The following DDX10 variants were observed in gnomAD, a reference collection of about 807,000 sequenced individuals.
DDX10 encodes the protein probable ATP-dependent RNA helicase DDX10.
DDX10 carries 74 observed loss-of-function variants against 104.3 expected under a neutral mutation model. That is an observed-to-expected ratio of 0.71 (90% CI 0.59 to 0.86). DDX10 has a LOEUF of 0.86. Ranked by LOEUF, DDX10 falls within the 40% of genes least tolerant of loss-of-function variation. DDX10 has a pLI of 0.00. For missense variants in DDX10, 952 were observed against 1,040.0 expected (o/e 0.92, Z 1.16); for synonymous variants, 351 against 353.4 (o/e 0.99, Z 0.08).
intron 13 of DDX10, among the ~76,000 whole-genome samples, chr11:108,804,994 C>T (rs1052183168): frequency 6.6e-6 from 1 of 152,050 alleles, no homozygotes; most frequent in Non-Finnish European, 1.5e-5. Flanking sequence ...TAAGTGCTGC[C>T]CACACTGAGG....
chr11:108,844,143 A>T (rs1041555499), intron 15 of DDX10, among the ~76,000 whole-genome samples: 2 of 152,174 alleles, frequency 1.3e-5, no homozygotes, highest in African/African-American at 4.8e-5. Flanking sequence ...TACTTCTGTG[A>T]CTACAAGAGT....
At chr11:108,714,176 A>C (rs1296699028) in intron 10 of DDX10, among the ~76,000 whole-genome samples, 2 of 152,210 alleles carry the variant, frequency 1.3e-5, no homozygotes, top group Non-Finnish European at 2.9e-5. Flanking sequence ...AAAACTCATG[A>C]GTGTGGGGCT....
chr11:108,900,248 C>G (rs1333526856), intron 16 of DDX10, among the ~76,000 whole-genome samples: 1 of 152,158 alleles, frequency 6.6e-6, no homozygotes, highest in Non-Finnish European at 1.5e-5. Flanking sequence ...TCTTGTATAG[C>G]CTGCAGAATT....
At chr11:108,931,858 T>C (rs61912814) in intron 17 of DDX10, among the ~76,000 whole-genome samples, 1,846 of 152,240 alleles carry the variant, frequency 0.012, 30 homozygotes, top group Admixed American at 0.022. Context: ...CTATGCCTTG[T>C]GGAAGCCTAA....
rs776311119 is a variant in DDX10 at position 108,693,603 on chromosome 11, A to G, written c.1223+3A>G. The stretch of plus-strand genomic sequence containing the variant: ...CACAGAGCAGGTAGAACTGCCAGGT[A>G]GGTGTACTGACTAATTTCTTTTCTT... On this transcript the variant is annotated splice_donor_region_variant and intron_variant, in intron 9 of 17. Coordinates refer to ENST00000322536, the MANE Select transcript of DDX10 (RefSeq NM_004398.4). 6.2e-7 allele frequency: 1 copy of G among 1,604,914 alleles called. No individual in the cohort carries two copies. Among genetic ancestry groups the G allele is most frequent in the Non-Finnish European group, 8.5e-7 (1 of 1,171,642 alleles).
chr11:108,795,027 C>T (rs1476017732), intron 13 of DDX10, among the ~76,000 whole-genome samples: 2 of 152,082 alleles, frequency 1.3e-5, no homozygotes, highest in African/African-American at 2.4e-5. Flanking sequence ...GGGGTTTCAC[C>T]ATGTTGGTCA....
chr11:108,858,048 A>G lies in DDX10; in HGVS notation c.2304+5839A>G, dbSNP rs141043656. On this transcript the variant is annotated intron_variant, in intron 16 of 17. Coordinates refer to ENST00000322536, the MANE Select transcript of DDX10 (RefSeq NM_004398.4). ...CCCAGCAGCTTAATTTTTTCTTACA[A>G]ATGAAAAATTAGGAAACATTTACCA... Among the ~76,000 whole-genome samples, 9 of 152,370 alleles carry G rather than the reference A, an allele frequency of 5.9e-5. No homozygotes were observed. In the East Asian group the frequency reaches 1.7e-3, roughly 29 times the overall value.
At chr11:108,728,925 C>T (rs1027279093) in intron 13 of DDX10, among the ~76,000 whole-genome samples, 16 of 152,092 alleles carry the variant, frequency 1.1e-4, no homozygotes, top group African/African-American at 3.9e-4. Context: ...ATGCCATTAA[C>T]CTTTATTTAA....
At position 108,940,532 on chromosome 11, in the gene DDX10, A is replaced by G; in HGVS notation, c.*109A>G. On this transcript the variant is annotated 3_prime_UTR_variant, in exon 18 of 18. Coordinates refer to ENST00000322536, the MANE Select transcript of DDX10 (RefSeq NM_004398.4). Reference sequence around the variant, plus strand: ...CTTAGGTACCATATGCCCCATTCCCAAAGGGCACATTTCTGGATAGAAGCG... The same window carrying G: ...CTTAGGTACCATATGCCCCATTCCCGAAGGGCACATTTCTGGATAGAAGCG... The G allele has an allele frequency of 9.2e-7, 1 of 1,084,374 alleles. No homozygotes were observed. Among genetic ancestry groups the G allele is most frequent in the Admixed American group, 2.6e-5 (1 of 38,866 alleles). The allele number at this position is 1,084,374 out of a possible 1,614,324, so 67.2% of individuals were successfully genotyped here.
At chr11:108,935,743 T>C (rs578217089) in intron 17 of DDX10, among the ~76,000 whole-genome samples, 31 of 152,262 alleles carry the variant, frequency 2.0e-4, no homozygotes, top group Middle Eastern at 6.8e-3. Context: ...AATGATGACT[T>C]CCAACCTTTT....
At chr11:108,764,332 G>A (rs1421871056) in intron 13 of DDX10, among the ~76,000 whole-genome samples, 1 of 152,036 alleles carries the variant, frequency 6.6e-6, no homozygotes, top group South Asian at 2.1e-4. Context: ...GCATCTTGAG[G>A]TTATTTTTTA....
intron 13 of DDX10, among the ~76,000 whole-genome samples, chr11:108,736,481 T>A (rs1272864141): frequency 2.0e-5 from 3 of 152,164 alleles, no homozygotes; most frequent in Non-Finnish European, 4.4e-5. Flanking sequence ...TGAGGGTTCC[T>A]TGATTCTTTT....
chr11:108,712,900 G>GT (rs2094286398), intron 10 of DDX10, among the ~76,000 whole-genome samples: 1 of 151,772 alleles, frequency 6.6e-6, no homozygotes, highest in Non-Finnish European at 1.5e-5. Context: ...CTGAAAAAGT[G>GT]TTTCTCTTTC....
Position 108,795,966 on chromosome 11 carries a change from T to A in DDX10, c.1966-42480T>A, listed in dbSNP as rs138348277. Among the ~76,000 whole-genome samples, 649 of 152,334 alleles carry A rather than the reference T, an allele frequency of 4.3e-3. 4 individuals are homozygous for A. Among genetic ancestry groups the A allele is most frequent in the African/African-American group, 0.014 (582 of 41,576 alleles). ...TAGTTTACACTTGTGGGAGGGTTTT[T>A]AAATAACAAATTGATTTTTTTTTCT... On this transcript the variant is annotated intron_variant, in intron 13 of 17. Coordinates refer to ENST00000322536, the MANE Select transcript of DDX10 (RefSeq NM_004398.4).
intron 16 of DDX10, among the ~76,000 whole-genome samples, chr11:108,852,984 T>A (rs1259490847): frequency 6.6e-6 from 1 of 152,010 alleles, no homozygotes; most frequent in Non-Finnish European, 1.5e-5. Flanking sequence ...TTCTTCGTCA[T>A]TTTTTTTCCA....
intron 16 of DDX10, among the ~76,000 whole-genome samples, chr11:108,898,559 A>G (rs962946501): frequency 5.3e-5 from 8 of 152,076 alleles, no homozygotes; most frequent in Non-Finnish European, 5.9e-5. Context: ...TGGGAGGAAA[A>G]GGATCAGACA....
chr11:108,669,544 G>C (rs2094214383), intron 1 of DDX10, among the ~76,000 whole-genome samples: 1 of 152,214 alleles, frequency 6.6e-6, no homozygotes, highest in Admixed American at 6.5e-5. Context: ...ATGCATTCCT[G>C]AGTTGGCTTC....
At chr11:108,738,412 A>G (rs781277197) in intron 13 of DDX10, among the ~76,000 whole-genome samples, 1 of 152,058 alleles carries the variant, frequency 6.6e-6, no homozygotes, top group Non-Finnish European at 1.5e-5. Context: ...TAGCTTGAAT[A>G]AACTATTGGT....
At chr11:108,877,271 T>C (rs1863166147) in intron 16 of DDX10, among the ~76,000 whole-genome samples, 5 of 152,254 alleles carry the variant, frequency 3.3e-5, no homozygotes, top group Admixed American at 1.3e-4. Flanking sequence ...TTTATGATTC[T>C]TTGAAAGTCA....
Sources: gnomAD v4.1 joint callset for allele counts (sites outside exome capture counted in the v4.1 genomes callset) on GRCh38, gnomAD v4.1.1 for gene constraint, MANE v1.5 for transcripts, NCBI Gene and HGNC (gene_info 2026-07-23, HGNC 2026-07-21) for gene names.